Variants in AP2A2 observed in about 807,000 individuals in gnomAD.
AP2A2 encodes adaptor related protein complex 2 subunit alpha 2, also known as AP-2 complex subunit alpha-2.
Under a neutral mutation model 104.2 loss-of-function variants are expected in AP2A2, and 32 were observed. That is an observed-to-expected ratio of 0.31 (90% CI 0.23 to 0.41). AP2A2 has a LOEUF of 0.41. Among genes scored for constraint, AP2A2 ranks in the 10% least tolerant of loss-of-function variants. The pLI, the probability that AP2A2 is intolerant of heterozygous loss-of-function variation, is 1.00. For missense variants in AP2A2, 912 were observed against 1,261.0 expected, an observed-to-expected ratio of 0.72 and a Z score of 4.19; for synonymous variants, 539 against 533.3, an observed-to-expected ratio of 1.01 and a Z score of -0.15.
intron 5 of AP2A2, among the ~76,000 whole-genome samples, chr11:979,179 G>A (rs990863342): frequency 1.3e-5 from 2 of 150,926 alleles, no homozygotes; most frequent in South Asian, 2.1e-4. Flanking sequence ...GGGGGAGGAC[G>A]TCCTAAATGA....
At chr11:934,595 G>A (rs1250669164) in intron 1 of AP2A2, among the ~76,000 whole-genome samples, 1 of 152,068 alleles carries the variant, frequency 6.6e-6, no homozygotes, top group East Asian at 1.9e-4. Context: ...GTCTGTCTAC[G>A]GGTTTGCTTA....
At chr11:978,134 C>A (rs759409110) in intron 5 of AP2A2, among the ~76,000 whole-genome samples, 1 of 152,106 alleles carries the variant, frequency 6.6e-6, no homozygotes, top group Non-Finnish European at 1.5e-5. Context: ...AGAGAGTGTG[C>A]GGGTGAAGCA....
chr11:937,271 C>T (rs1025519641), intron 1 of AP2A2, among the ~76,000 whole-genome samples: 4 of 152,086 alleles, frequency 2.6e-5, no homozygotes, highest in Non-Finnish European at 4.4e-5. Context: ...CCGCCCGCTT[C>T]GGCCTCCCAA....
At chr11:929,664 C>T (rs975112692) in intron 1 of AP2A2, among the ~76,000 whole-genome samples, 2 of 152,184 alleles carry the variant, frequency 1.3e-5, no homozygotes, top group African/African-American at 2.4e-5. Flanking sequence ...GGCGTGGTGG[C>T]ACGCACCTGT....
In AP2A2 at chr11:994,081, C is replaced by T; in HGVS notation, c.1792C>T (p.Leu598=). The T allele has an allele frequency of 6.2e-7, 1 of 1,612,872 alleles. No homozygotes were observed. Among genetic ancestry groups the T allele is most frequent in the Non-Finnish European group, 8.5e-7 (1 of 1,179,758 alleles). ...CTGTGTTCTTTCCAAGGCGACCGTGCTGGAGGAGATGCCCCCATTCCCGGA... is the reference window on the plus strand; with the variant it reads ...CTGTGTTCTTTCCAAGGCGACCGTGTTGGAGGAGATGCCCCCATTCCCGGA... The part of the protein sequence containing the change: ...VASTDILATV[L]EEMPPFPERE... The change falls in exon 14 of 22, where the codon CTG becomes TTG. Residue 598 remains leucine (L), a synonymous_variant. Transcript: ENST00000448903.
At chr11:929,844 G>A (rs140367468) in intron 1 of AP2A2, among the ~76,000 whole-genome samples, 14 of 152,094 alleles carry the variant, frequency 9.2e-5, no homozygotes, top group African/African-American at 2.4e-4. Flanking sequence ...GGTGCCAGCC[G>A]GGTGCGGTGG....
chr11:983,017 C>CTTTTTTT (rs56742889), intron 6 of AP2A2, among the ~76,000 whole-genome samples: 82 of 82,376 alleles, frequency 1.0e-3, no homozygotes, highest in South Asian at 1.2e-3. Context: ...TTTTCTTTTT[C>CTTTTTTT]TTTTTTTTTT....
chr11:957,419 A>G (rs545493996), intron 1 of AP2A2, among the ~76,000 whole-genome samples: 56 of 152,200 alleles, frequency 3.7e-4, no homozygotes, highest in Non-Finnish European at 5.7e-4. Flanking sequence ...TTCCCGGCCT[A>G]TCTGTGCGGC....
chr11:956,661 GC>G (rs1175949820), intron 1 of AP2A2: 1 of 152,164 alleles, frequency 6.6e-6, no homozygotes. Context: ...TCTCTCCCTT[GC>G]CTGGCTTGTG....
At chr11:980,077 C>CTTTGGGGAGGA (rs1855190048) in intron 5 of AP2A2, among the ~76,000 whole-genome samples, 1 of 127,426 alleles carries the variant, frequency 7.8e-6, no homozygotes, top group Admixed American at 8.0e-5. Context: ...CTGCCCGGTG[C>CTTTGGGGAGGA]CGTGTCCTGG....
At chr11:1,005,903 TC>T (rs1284686463) in intron 16 of AP2A2, among the ~76,000 whole-genome samples, 1 of 152,252 alleles carries the variant, frequency 6.6e-6, no homozygotes, top group Non-Finnish European at 1.5e-5. Flanking sequence ...AGATTTCCTT[TC>T]TGAATTCAAG....
At chr11:944,255 C>G (rs1213944697) in intron 1 of AP2A2, among the ~76,000 whole-genome samples, 2 of 152,186 alleles carry the variant, frequency 1.3e-5, no homozygotes, top group African/African-American at 4.8e-5. Flanking sequence ...CTGTGTTGCT[C>G]AGAAGCTCTT....
In AP2A2 at chr11:1,000,731, C is replaced by T. The variant is rs114685700; in HGVS notation, c.2123+133C>T. On this transcript the variant is annotated intron_variant, in intron 15 of 21. Coordinates refer to ENST00000448903, the MANE Select transcript of AP2A2 (RefSeq NM_012305.4). ...CCAGATTACTGCCTGGGGGAGAGAG[C>T]GGGAGCTGCTGTGTTGTGGGTGGGT... is the stretch of plus-strand genomic sequence containing the variant. The T allele has an allele frequency of 6.9e-3, 7,061 of 1,021,314 alleles. 312 individuals are homozygous for T. In the African/African-American group the frequency reaches 0.095, roughly 14 times the overall value. 63.3% of individuals were successfully genotyped at this position (1,021,314 alleles called of 1,614,324 possible).
intron 8 of AP2A2, 164 bp downstream of exon 8, chr11:985,746 C>G: frequency 1.0e-6 from 1 of 994,818 alleles, no homozygotes; most frequent in South Asian, 1.6e-5. Flanking sequence ...TTCTGTGCAG[C>G]CCGGCCCCTC....
intron 1 of AP2A2, among the ~76,000 whole-genome samples, chr11:928,825 T>C (rs1853201203): frequency 6.6e-6 from 1 of 152,144 alleles, no homozygotes; most frequent in Non-Finnish European, 1.5e-5. Context: ...TTGGATGGCC[T>C]CTCATCAGCT....
At chr11:937,898 G>A (rs751391566) in intron 1 of AP2A2, among the ~76,000 whole-genome samples, 4 of 152,104 alleles carry the variant, frequency 2.6e-5, no homozygotes, top group East Asian at 1.9e-4. Context: ...CCTAAGTCCC[G>A]GAGCTCCCGA....
intron 6 of AP2A2, among the ~76,000 whole-genome samples, chr11:981,991 G>A (rs1398522698): frequency 2.0e-5 from 3 of 152,284 alleles, no homozygotes; most frequent in Non-Finnish European, 2.9e-5. Flanking sequence ...CGCGGCACGC[G>A]TAGTGCTAGT....
chr11:934,936 G>A (rs1000242623), intron 1 of AP2A2, among the ~76,000 whole-genome samples: 2 of 151,510 alleles, frequency 1.3e-5, no homozygotes, highest in Admixed American at 6.6e-5. Flanking sequence ...TTGGTTAACC[G>A]CAGCCTCTGT....
rs1376706646 is a variant in AP2A2 at position 1,011,644 on chromosome 11, G to C, written c.*1019G>C. The C allele has an allele frequency of 2.7e-6, 1 of 375,696 alleles. No homozygotes were observed. Among genetic ancestry groups the C allele is most frequent in the East Asian group, 7.1e-5 (1 of 14,008 alleles). The allele number at this position is 375,696 out of a possible 1,614,324, so 23.3% of individuals were successfully genotyped here. On this transcript the variant is annotated 3_prime_UTR_variant, in exon 22 of 22. Coordinates refer to ENST00000448903, the MANE Select transcript of AP2A2 (RefSeq NM_012305.4). ...GAGTGGGGCCGGCCTAGGAGCCAAG[G>C]CTGGGGCCTTGCGCTCTGTCCCCAG...
Sources: gnomAD v4.1 joint callset for allele counts (sites outside exome capture counted in the v4.1 genomes callset) on GRCh38, gnomAD v4.1.1 for gene constraint, MANE v1.5 for transcripts, NCBI Gene and HGNC (gene_info 2026-07-23, HGNC 2026-07-21) for gene names.